The following NXPH1 variants were observed in gnomAD, a reference collection of about 807,000 sequenced individuals.
NXPH1 encodes neurexophilin 1.
A neutral mutation model predicts 23.7 loss-of-function variants in NXPH1; 5 were observed. The ratio of observed to expected loss-of-function variants is 0.21; its 90% CI spans 0.11 to 0.44. The LOEUF is 0.44. Ranked by LOEUF, NXPH1 falls within the 20% of genes least tolerant of loss-of-function variation. NXPH1 has a pLI of 0.99. For missense variants in NXPH1, 324 were observed against 321.6 expected, an observed-to-expected ratio of 1.01 and a Z score of -0.06; for synonymous variants, 144 against 122.2, an observed-to-expected ratio of 1.18 and a Z score of -1.18.
chr7:8,455,703 A>G (rs532412563), intron 2 of NXPH1, among the ~76,000 whole-genome samples: 2 of 152,298 alleles, frequency 1.3e-5, no homozygotes, highest in African/African-American at 4.8e-5. Flanking sequence ...TTGGGAGGAA[A>G]TTGCCTGCTG....
chr7:8,576,649 G>A (rs975123669), intron 2 of NXPH1, among the ~76,000 whole-genome samples: 5 of 152,038 alleles, frequency 3.3e-5, no homozygotes, highest in East Asian at 1.9e-4. Context: ...GGACCAGATC[G>A]TACATGACTT....
chr7:8,728,735 G>T (rs1404154063), intron 2 of NXPH1, among the ~76,000 whole-genome samples: 1 of 152,126 alleles, frequency 6.6e-6, no homozygotes, highest in Non-Finnish European at 1.5e-5. Flanking sequence ...GCTGGATTCT[G>T]TTTGCCAGTA....
chr7:8,538,584 A>C (rs2128618177), intron 2 of NXPH1, among the ~76,000 whole-genome samples: 1 of 152,052 alleles, frequency 6.6e-6, no homozygotes, highest in South Asian at 2.1e-4. Context: ...GGAACAGGTC[A>C]TGGCATGAAT....
intron 2 of NXPH1, among the ~76,000 whole-genome samples, chr7:8,452,296 C>T (rs1348711200): frequency 6.6e-6 from 1 of 152,188 alleles, no homozygotes; most frequent in African/African-American, 2.4e-5. Flanking sequence ...CAAACCCATC[C>T]AGTCTTTTTG....
chr7:8,526,717 C>G (rs1817867127), intron 2 of NXPH1, among the ~76,000 whole-genome samples: 1 of 152,122 alleles, frequency 6.6e-6, no homozygotes, highest in South Asian at 2.1e-4. Flanking sequence ...TCATTTTTCT[C>G]TTGCCACTGC....
chr7:8,702,599 T>G (rs1779641927), intron 2 of NXPH1, among the ~76,000 whole-genome samples: 1 of 152,132 alleles, frequency 6.6e-6, no homozygotes, highest in African/African-American at 2.4e-5. Flanking sequence ...TCTATGAGTT[T>G]CATTCTTCTA....
chr7:8,691,047 G>GTGACATAT, intron 2 of NXPH1, among the ~76,000 whole-genome samples: 1 of 152,158 alleles, frequency 6.6e-6, no homozygotes, highest in Non-Finnish European at 1.5e-5. Flanking sequence ...ACTGATTGGG[G>GTGACATAT]TGACATATGG....
chr7:8,533,568 T>A (rs903382483), intron 2 of NXPH1, among the ~76,000 whole-genome samples: 1 of 152,114 alleles, frequency 6.6e-6, no homozygotes, highest in Non-Finnish European at 1.5e-5. Flanking sequence ...TTTAGTATTG[T>A]TTATGGTTAT....
At position 8,654,288 on chromosome 7, in the gene NXPH1, G is replaced by A. The variant is rs145676216; in HGVS notation, c.55-96720G>A. The stretch of plus-strand genomic sequence containing the variant: ...GAGTTAGATTCCAACTAGTATTTAT[G>A]TTTTTAGTTGACATTTAGGAAAGGT... On this transcript the variant is annotated intron_variant, in intron 2 of 2. Coordinates refer to ENST00000405863, the MANE Select transcript of NXPH1 (RefSeq NM_152745.3). Among the ~76,000 whole-genome samples, 436 of 151,936 alleles carry A rather than the reference G, an allele frequency of 2.9e-3. 6 individuals carry two copies. The highest frequency in any genetic ancestry group is 9.8e-3 in the African/African-American group (406 of 41,432).
intron 2 of NXPH1, among the ~76,000 whole-genome samples, chr7:8,723,200 T>G (rs1779996671): frequency 6.6e-6 from 1 of 152,216 alleles, no homozygotes; most frequent in Admixed American, 6.5e-5. Flanking sequence ...TCTAACTGCC[T>G]GTTTCAAAGC....
chr7:8,750,386 C>T (rs149105621), intron 2 of NXPH1, among the ~76,000 whole-genome samples: 1,878 of 152,246 alleles, frequency 0.012, 8 homozygotes, highest in Non-Finnish European at 0.015. Flanking sequence ...GTTACACAAG[C>T]ATACATGTGC....
At chr7:8,496,193 C>G (rs978354049) in intron 2 of NXPH1, among the ~76,000 whole-genome samples, 1 of 151,980 alleles carries the variant, frequency 6.6e-6, no homozygotes, top group African/African-American at 2.4e-5. Flanking sequence ...AGTACCATTT[C>G]ATGTCGGGCC....
intron 2 of NXPH1, among the ~76,000 whole-genome samples, chr7:8,700,333 TAAATC>T (rs1457504884): frequency 2.6e-5 from 4 of 152,140 alleles, no homozygotes; most frequent in African/African-American, 9.7e-5. Flanking sequence ...TTTCTAAAAT[TAAATC>T]AGGCTTCATT....
intron 2 of NXPH1, among the ~76,000 whole-genome samples, chr7:8,733,488 C>G (rs569945055): frequency 6.6e-6 from 1 of 152,280 alleles, no homozygotes; most frequent in African/African-American, 2.4e-5. Flanking sequence ...CTAATTTACA[C>G]TCCCACCAAC....
At chr7:8,439,391 G>C (rs146693142) in intron 2 of NXPH1, among the ~76,000 whole-genome samples, 17 of 152,208 alleles carry the variant, frequency 1.1e-4, no homozygotes, top group African/African-American at 4.1e-4. Context: ...GCTCACCTGT[G>C]GTAACTCTCA....
intron 2 of NXPH1, among the ~76,000 whole-genome samples, chr7:8,685,736 C>G (rs189359586): frequency 4.0e-5 from 6 of 151,066 alleles, no homozygotes; most frequent in African/African-American, 7.3e-5. Context: ...TTGAACTCAT[C>G]GATATAGAGA....
chr7:8,466,114 C>T (rs75147608), intron 2 of NXPH1, among the ~76,000 whole-genome samples: 3,318 of 152,232 alleles, frequency 0.022, 129 homozygotes, highest in African/African-American at 0.076. Context: ...TCTTGACCCT[C>T]ACTGACTTTT....
At chr7:8,689,828 G>A (rs1251497206) in intron 2 of NXPH1, among the ~76,000 whole-genome samples, 3 of 152,128 alleles carry the variant, frequency 2.0e-5, no homozygotes, top group Non-Finnish European at 4.4e-5. Context: ...CTTAGTGACT[G>A]CTACTTAGCA....
intron 2 of NXPH1, among the ~76,000 whole-genome samples, chr7:8,652,739 A>G (rs1232315088): frequency 1.3e-5 from 2 of 152,132 alleles, no homozygotes; most frequent in Non-Finnish European, 2.9e-5. Context: ...CAGGTATCTT[A>G]GGTTGTTGTC....
Sources: allele counts gnomAD v4.1 joint callset (sites outside exome capture counted in the v4.1 genomes callset), GRCh38; gene constraint gnomAD v4.1.1; transcripts MANE v1.5; gene names NCBI Gene and HGNC (gene_info 2026-07-23, HGNC 2026-07-21).